DIAPH3: variants seen among roughly 807,000 people sequenced by gnomAD.
The protein encoded by DIAPH3 is diaphanous related formin 3.
DIAPH3 carries 117 observed loss-of-function variants against 144.3 expected under a neutral mutation model. That is an observed-to-expected ratio of 0.81 (90% CI 0.70 to 0.95). The LOEUF is 0.95. Among genes scored for constraint, DIAPH3 ranks in the 40% least tolerant of loss-of-function variants. The probability of loss-of-function intolerance (pLI) is 0.00; values close to 1 mark genes in which losing one functional copy is unlikely to be tolerated. For synonymous variants in DIAPH3, 519 were observed against 488.9 expected (o/e 1.06, Z -0.81); for missense variants, 1,421 against 1,412.7 (o/e 1.01, Z -0.09).
intron 25 of DIAPH3, among the ~76,000 whole-genome samples, chr13:59,793,589 C>T (rs1424947999): frequency 6.6e-6 from 1 of 152,170 alleles, no homozygotes; most frequent in Admixed American, 6.5e-5. Context: ...CTTTCTTGGT[C>T]TTCCTACTAC....
At position 59,883,714 on chromosome 13, in the gene DIAPH3, C is replaced by T. The variant is rs565533221; in HGVS notation, c.2368-4246G>A. Among the ~76,000 whole-genome samples, 27 of 152,276 alleles carry T rather than the reference C, an allele frequency of 1.8e-4. 1 individual carries two copies. In the South Asian group the frequency reaches 5.4e-3, roughly 30 times the overall value. The stretch of plus-strand genomic sequence containing the variant: ...TGCTGCTAATCAACTGTCCTTACCA[C>T]TCAGAGCATCGCAATGTGGAAATTA... On this transcript the variant is annotated intron_variant, in intron 20 of 27. Coordinates refer to ENST00000400324, the MANE Select transcript of DIAPH3 (RefSeq NM_001042517.2).
intron 4 of DIAPH3, among the ~76,000 whole-genome samples, chr13:60,071,730 A>G (rs1426685777): frequency 1.3e-5 from 2 of 152,176 alleles, no homozygotes; most frequent in African/African-American, 4.8e-5. Flanking sequence ...TTCTTTGTCA[A>G]GGAAACAAGT....
At chr13:59,921,648 A>C (rs1443531907) in intron 18 of DIAPH3, among the ~76,000 whole-genome samples, 1 of 152,070 alleles carries the variant, frequency 6.6e-6, no homozygotes. Flanking sequence ...AATTCTATCA[A>C]ACATGTAAGT....
intron 27 of DIAPH3, among the ~76,000 whole-genome samples, chr13:59,714,331 G>A (rs1048697472): frequency 4.5e-5 from 6 of 133,134 alleles, no homozygotes; most frequent in Non-Finnish European, 9.2e-5. Flanking sequence ...CTGCACTCCA[G>A]CCTGGGCGAC....
chr13:59,897,737 G>A (rs1220137846), intron 20 of DIAPH3, among the ~76,000 whole-genome samples: 1 of 150,734 alleles, frequency 6.6e-6, no homozygotes, highest in African/African-American at 2.4e-5. Context: ...AACAGGGTAA[G>A]ACTCCATCTC....
chr13:59,974,938 CT>C (rs1181082734), intron 14 of DIAPH3, among the ~76,000 whole-genome samples: 3 of 151,912 alleles, frequency 2.0e-5, no homozygotes, highest in Non-Finnish European at 4.4e-5. Context: ...CAGTTTCTAA[CT>C]TTTTTTCTTG....
At chr13:60,087,798 A>C (rs551781469) in intron 4 of DIAPH3, among the ~76,000 whole-genome samples, 3 of 151,844 alleles carry the variant, frequency 2.0e-5, no homozygotes, top group African/African-American at 4.8e-5. Context: ...AAAAAAAAAA[A>C]CATAAATAGA....
chr13:59,996,521 A>G (rs2052198332), intron 9 of DIAPH3, among the ~76,000 whole-genome samples: 1 of 152,006 alleles, frequency 6.6e-6, no homozygotes, highest in South Asian at 2.1e-4. Context: ...ATAGTTGAGG[A>G]TTTCCTTAGG....
chr13:59,861,273 T>C, intron 22 of DIAPH3, 134 bp downstream of exon 22: 5 of 1,547,520 alleles, frequency 3.2e-6, no homozygotes, highest in Non-Finnish European at 4.3e-6. Flanking sequence ...ACAACTCTCT[T>C]TATTTTTAAA....
At chr13:59,869,875 T>C (rs1236113498) in intron 21 of DIAPH3, among the ~76,000 whole-genome samples, 1 of 152,190 alleles carries the variant, frequency 6.6e-6, no homozygotes, top group Admixed American at 6.6e-5. Flanking sequence ...TTTGTACATT[T>C]TAGATAAAAG....
At chr13:59,680,801 A>G (rs1019622806) in intron 27 of DIAPH3, among the ~76,000 whole-genome samples, 1 of 152,160 alleles carries the variant, frequency 6.6e-6, no homozygotes, top group Non-Finnish European at 1.5e-5. Context: ...AGATTTTGCA[A>G]TGGTACTACT....
chr13:60,040,354 T>G (rs1431294008), intron 5 of DIAPH3, among the ~76,000 whole-genome samples: 1 of 151,468 alleles, frequency 6.6e-6, no homozygotes, highest in African/African-American at 2.4e-5. Flanking sequence ...ACTTCATGGA[T>G]AACATCATGG....
chr13:60,068,227 G>A (rs1401117998), intron 4 of DIAPH3, among the ~76,000 whole-genome samples: 5 of 152,172 alleles, frequency 3.3e-5, no homozygotes, highest in Non-Finnish European at 7.3e-5. Context: ...TAGAGTTCCA[G>A]GAGTGGATTC....
At chr13:59,780,511 C>T (rs542509648) in intron 25 of DIAPH3, among the ~76,000 whole-genome samples, 1 of 152,136 alleles carries the variant, frequency 6.6e-6, no homozygotes, top group Non-Finnish European at 1.5e-5. Context: ...TAGTTTCTCC[C>T]CTGCTGTGAA....
intron 27 of DIAPH3, among the ~76,000 whole-genome samples, chr13:59,680,824 C>T (rs534314033): frequency 6.6e-6 from 1 of 152,152 alleles, no homozygotes; most frequent in African/African-American, 2.4e-5. Flanking sequence ...TCTCTATTGG[C>T]TTTCATTTTA....
intron 27 of DIAPH3, among the ~76,000 whole-genome samples, chr13:59,765,276 G>T (rs889425987): frequency 6.6e-6 from 1 of 152,090 alleles, no homozygotes; most frequent in Non-Finnish European, 1.5e-5. Flanking sequence ...TGCCATTCTT[G>T]TTGAAGGATT....
intron 22 of DIAPH3, among the ~76,000 whole-genome samples, chr13:59,858,074 G>GACAACAGCTTCT (rs1225101944): frequency 2.2e-4 from 34 of 152,160 alleles, no homozygotes; most frequent in Admixed American, 2.2e-3. Context: ...GTTGTCTATA[G>GACAACAGCTTCT]AAGTGTGGAT....
intron 1 of DIAPH3, among the ~76,000 whole-genome samples, chr13:60,153,230 A>G (rs1244108319): frequency 6.6e-6 from 1 of 152,078 alleles, no homozygotes; most frequent in Non-Finnish European, 1.5e-5. Flanking sequence ...CCAAAATCAC[A>G]TTATTCTGGA....
intron 3 of DIAPH3, among the ~76,000 whole-genome samples, chr13:60,095,000 A>G (rs1270384831): frequency 6.6e-6 from 1 of 151,626 alleles, no homozygotes; most frequent in Non-Finnish European, 1.5e-5. Flanking sequence ...ATGACATAGG[A>G]AGCATTTTGG....
Sources: gnomAD v4.1 joint callset for allele counts (sites outside exome capture counted in the v4.1 genomes callset) on GRCh38, gnomAD v4.1.1 for gene constraint, MANE v1.5 for transcripts, NCBI Gene and HGNC (gene_info 2026-07-23, HGNC 2026-07-21) for gene names.